PRKCA: variants seen among roughly 807,000 people sequenced by gnomAD.
The protein encoded by PRKCA is protein kinase C alpha type.
In PRKCA, 27 loss-of-function variants were observed where a neutral mutation model predicts 87.0. The ratio of observed to expected loss-of-function variants is 0.31; its 90% CI spans 0.23 to 0.43. PRKCA has a LOEUF of 0.43. Ranked by LOEUF, PRKCA falls within the 20% of genes least tolerant of loss-of-function variation. The pLI is 1.00. For missense variants in PRKCA, 518 were observed against 852.3 expected (o/e 0.61, Z 4.88); for synonymous variants, 329 against 311.1 (o/e 1.06, Z -0.61).
intron 4 of PRKCA, among the ~76,000 whole-genome samples, chr17:66,643,420 G>A (rs574129926): frequency 6.0e-4 from 92 of 152,314 alleles, no homozygotes; most frequent in Admixed American, 1.8e-3. Context: ...TCAAAGTTGT[G>A]TTTGTATCAG....
intron 3 of PRKCA, among the ~76,000 whole-genome samples, chr17:66,529,089 A>AGT (rs1245822725): frequency 6.6e-6 from 1 of 152,062 alleles, no homozygotes; most frequent in African/African-American, 2.4e-5. Flanking sequence ...TTTTCAGTAG[A>AGT]GTTTGACCTT....
At chr17:66,317,286 C>T (rs1024622727) in intron 2 of PRKCA, among the ~76,000 whole-genome samples, 1 of 152,154 alleles carries the variant, frequency 6.6e-6, no homozygotes, top group African/African-American at 2.4e-5. Flanking sequence ...TCACCGTGGT[C>T]AGAAACCTTG....
At chr17:66,790,995 T>C (rs903045434) in intron 16 of PRKCA, among the ~76,000 whole-genome samples, 4 of 151,054 alleles carry the variant, frequency 2.6e-5, no homozygotes, top group Admixed American at 2.0e-4. Context: ...TTGCTGGTTT[T>C]TTTTTTTTTT....
At chr17:66,424,112 A>G (rs1912648432) in intron 2 of PRKCA, among the ~76,000 whole-genome samples, 1 of 152,122 alleles carries the variant, frequency 6.6e-6, no homozygotes, top group African/African-American at 2.4e-5. Context: ...GACAAGCATC[A>G]TTTCTTTCCT....
intron 2 of PRKCA, among the ~76,000 whole-genome samples, chr17:66,337,389 G>A (rs1906765356): frequency 6.6e-6 from 1 of 151,736 alleles, no homozygotes; most frequent in Non-Finnish European, 1.5e-5. Flanking sequence ...ATTGTTTGTG[G>A]TAGATCTAAG....
intron 14 of PRKCA, among the ~76,000 whole-genome samples, chr17:66,785,107 C>G (rs990282172): frequency 6.6e-6 from 1 of 152,136 alleles, no homozygotes. Flanking sequence ...ACCAGACACC[C>G]AGGCCTCTCT....
chr17:66,712,131 A>G (rs1017537649), intron 8 of PRKCA, among the ~76,000 whole-genome samples: 2 of 152,096 alleles, frequency 1.3e-5, no homozygotes, highest in Admixed American at 1.3e-4. Context: ...GCCTCTGTGC[A>G]ACTTCTTCCT....
At chr17:66,389,230 C>T (rs1488712225) in intron 2 of PRKCA, among the ~76,000 whole-genome samples, 5 of 152,182 alleles carry the variant, frequency 3.3e-5, no homozygotes, top group Admixed American at 3.3e-4. Flanking sequence ...GGGTAAATAT[C>T]TGTGGCGTTA....
At chr17:66,622,840 T>C (rs961291196) in intron 3 of PRKCA, among the ~76,000 whole-genome samples, 12 of 152,212 alleles carry the variant, frequency 7.9e-5, no homozygotes, top group African/African-American at 2.7e-4. Flanking sequence ...GACTTACTAC[T>C]ACAAGAACAG....
chr17:66,540,143 T>C (rs555763382), intron 3 of PRKCA, among the ~76,000 whole-genome samples: 1 of 152,136 alleles, frequency 6.6e-6, no homozygotes, highest in Non-Finnish European at 1.5e-5. Flanking sequence ...CTTCGGGAAG[T>C]GTCTGTGGCA....
intron 2 of PRKCA, among the ~76,000 whole-genome samples, chr17:66,407,977 G>T (rs904032493): frequency 1.3e-5 from 2 of 152,148 alleles, no homozygotes; most frequent in African/African-American, 4.8e-5. Context: ...TTTGAAATAG[G>T]TTGGGTAAGG....
chr17:66,675,076 C>T (rs1972291736), intron 5 of PRKCA, among the ~76,000 whole-genome samples: 1 of 152,218 alleles, frequency 6.6e-6, no homozygotes, highest in Non-Finnish European at 1.5e-5. Flanking sequence ...CCAAAACTGC[C>T]TTAGTCTGAT....
chr17:66,767,999 G>A (rs1974847622), intron 13 of PRKCA, among the ~76,000 whole-genome samples: 1 of 152,202 alleles, frequency 6.6e-6, no homozygotes, highest in South Asian at 2.1e-4. Context: ...CTGTTGCCCA[G>A]TCTAGAGTAC....
intron 2 of PRKCA, among the ~76,000 whole-genome samples, chr17:66,394,233 A>G (rs1372480255): frequency 1.3e-5 from 2 of 152,232 alleles, no homozygotes; most frequent in Non-Finnish European, 2.9e-5. Flanking sequence ...AAGCTGTGAC[A>G]TGGCTAAGCT....
chr17:66,469,806 G>GC (rs1555608195), intron 2 of PRKCA, among the ~76,000 whole-genome samples: 1 of 151,912 alleles, frequency 6.6e-6, no homozygotes, highest in African/African-American at 2.4e-5. Context: ...GGGTATTTAT[G>GC]TTTTTTTTAG....
chr17:66,331,109 A>C (rs1906296599), intron 2 of PRKCA, among the ~76,000 whole-genome samples: 1 of 152,148 alleles, frequency 6.6e-6, no homozygotes, highest in Admixed American at 6.5e-5. Context: ...CAGAAGGAAT[A>C]ATTTGGAATC....
chr17:66,392,564 A>G (rs1280488867), intron 2 of PRKCA, among the ~76,000 whole-genome samples: 1 of 152,176 alleles, frequency 6.6e-6, no homozygotes. Context: ...GCTGTCATTG[A>G]AAAAGTGCCT....
intron 3 of PRKCA, among the ~76,000 whole-genome samples, chr17:66,640,585 G>T (rs970801866): frequency 6.6e-6 from 1 of 151,962 alleles, no homozygotes; most frequent in African/African-American, 2.4e-5. Flanking sequence ...ATCTGGTTTC[G>T]CAGTGTATTG....
intron 3 of PRKCA, among the ~76,000 whole-genome samples, chr17:66,560,130 T>C (rs1968633958): frequency 6.6e-6 from 1 of 152,018 alleles, no homozygotes; most frequent in African/African-American, 2.4e-5. Context: ...CCCTGTGCAT[T>C]GGAGAGCTGA....
Sources: gnomAD v4.1 joint callset for allele counts (sites outside exome capture counted in the v4.1 genomes callset) on GRCh38, gnomAD v4.1.1 for gene constraint, MANE v1.5 for transcripts, NCBI Gene and HGNC (gene_info 2026-07-23, HGNC 2026-07-21) for gene names.